Variants in LRRC4C observed in about 807,000 individuals in gnomAD.
The protein encoded by LRRC4C is leucine-rich repeat-containing protein 4C.
A neutral mutation model predicts 33.6 loss-of-function variants in LRRC4C; 5 were observed. The ratio of observed to expected loss-of-function variants is 0.15; its 90% CI spans 0.08 to 0.31. The LOEUF (loss-of-function observed/expected upper bound fraction) is 0.31, where lower values mean the gene tolerates loss of function less well. LRRC4C is among the 10% of genes least tolerant of loss of function. The pLI, the probability that LRRC4C is intolerant of heterozygous loss-of-function variation, is 1.00. For synonymous variants in LRRC4C, 329 were observed against 302.0 expected, an observed-to-expected ratio of 1.09 and a Z score of -0.93; for missense variants, 560 against 796.7, an observed-to-expected ratio of 0.70 and a Z score of 3.58.
intron 2 of LRRC4C, among the ~76,000 whole-genome samples, chr11:40,766,078 A>G (rs1949436023): frequency 1.1e-5 from 1 of 94,254 alleles, no homozygotes; most frequent in South Asian, 2.9e-4. Context: ...TCCTAAAAGC[A>G]GCAAGAAAAA....
At chr11:41,275,409 GC>G (rs201759258) in intron 1 of LRRC4C, among the ~76,000 whole-genome samples, 2,057 of 152,182 alleles carry the variant, frequency 0.014, 20 homozygotes, top group Middle Eastern at 0.024. Context: ...CAAACAAAAA[GC>G]AAAAAATAAA....
At chr11:40,839,288 G>T (rs1187832231) in intron 2 of LRRC4C, among the ~76,000 whole-genome samples, 2 of 152,044 alleles carry the variant, frequency 1.3e-5, no homozygotes, top group East Asian at 3.9e-4. Context: ...AGGCTGGAGT[G>T]CAGTGGCACA....
At chr11:41,180,497 A>G (rs755895466) in intron 1 of LRRC4C, among the ~76,000 whole-genome samples, 3 of 152,208 alleles carry the variant, frequency 2.0e-5, no homozygotes, top group Non-Finnish European at 4.4e-5. Context: ...TAACTAACTC[A>G]CATTTAAAAC....
chr11:40,793,836 C>G (rs556438524), intron 2 of LRRC4C, among the ~76,000 whole-genome samples: 1 of 152,168 alleles, frequency 6.6e-6, no homozygotes, highest in Non-Finnish European at 1.5e-5. Context: ...ATCACATTCT[C>G]TATCATGGAC....
intron 5 of LRRC4C, among the ~76,000 whole-genome samples, chr11:40,174,600 T>A (rs934807525): frequency 6.6e-6 from 1 of 152,202 alleles, no homozygotes; most frequent in Non-Finnish European, 1.5e-5. Context: ...ATTTCTGAAG[T>A]AGCCATAGAA....
chr11:40,987,082 T>A (rs1853072315), intron 1 of LRRC4C, among the ~76,000 whole-genome samples: 1 of 152,186 alleles, frequency 6.6e-6, no homozygotes, highest in Non-Finnish European at 1.5e-5. Context: ...TAGGGTACAT[T>A]ATTAAATTAA....
At chr11:40,719,812 C>T (rs1297411715) in intron 2 of LRRC4C, among the ~76,000 whole-genome samples, 1 of 152,034 alleles carries the variant, frequency 6.6e-6, no homozygotes, top group Non-Finnish European at 1.5e-5. Context: ...TATTCAGTGG[C>T]CTTTAAAATA....
intron 3 of LRRC4C, among the ~76,000 whole-genome samples, chr11:40,372,252 C>T (rs766616278): frequency 6.6e-6 from 1 of 152,170 alleles, no homozygotes; most frequent in Non-Finnish European, 1.5e-5. Context: ...GAAGGAAGAA[C>T]TCTCTGGACG....
intron 1 of LRRC4C, among the ~76,000 whole-genome samples, chr11:40,998,575 T>C (rs1225799218): frequency 2.6e-5 from 4 of 152,128 alleles, no homozygotes; most frequent in African/African-American, 9.7e-5. Flanking sequence ...TTATTCAAAG[T>C]CCTGATTAGG....
chr11:40,603,756 C>T (rs574662421), intron 3 of LRRC4C, among the ~76,000 whole-genome samples: 2 of 152,282 alleles, frequency 1.3e-5, no homozygotes, highest in South Asian at 4.1e-4. Flanking sequence ...TTTAGAGACA[C>T]ATTTCAGTTA....
intron 4 of LRRC4C, among the ~76,000 whole-genome samples, chr11:40,276,036 G>C (rs1943076630): frequency 6.6e-6 from 1 of 152,178 alleles, no homozygotes; most frequent in Non-Finnish European, 1.5e-5. Flanking sequence ...AATTGAGAGA[G>C]AGGAGGAGCT....
intron 2 of LRRC4C, among the ~76,000 whole-genome samples, chr11:40,736,675 G>A (rs746577453): frequency 9.2e-5 from 14 of 152,024 alleles, no homozygotes; most frequent in Admixed American, 2.6e-4. Context: ...TCCAGTATCT[G>A]TTGTTTCCTG....
chr11:40,882,260 T>TTAA (rs1374086430), intron 2 of LRRC4C, among the ~76,000 whole-genome samples: 7 of 152,206 alleles, frequency 4.6e-5, no homozygotes, highest in African/African-American at 1.7e-4. Flanking sequence ...GCTTAATCTT[T>TTAA]TAATAGTTCC....
At chr11:41,109,128 A>G (rs944223875) in intron 1 of LRRC4C, among the ~76,000 whole-genome samples, 13 of 151,998 alleles carry the variant, frequency 8.6e-5, no homozygotes, top group African/African-American at 2.4e-4. Context: ...TTTCTCTCCT[A>G]TCTTCATCCC....
intron 3 of LRRC4C, among the ~76,000 whole-genome samples, chr11:40,359,953 G>T (rs1193965454): frequency 6.6e-6 from 1 of 152,152 alleles, no homozygotes; most frequent in Non-Finnish European, 1.5e-5. Flanking sequence ...AATAGGGCAA[G>T]TTTTTGAGAG....
intron 2 of LRRC4C, among the ~76,000 whole-genome samples, chr11:40,786,683 T>G (rs1443237237): frequency 6.6e-6 from 1 of 152,154 alleles, no homozygotes; most frequent in Non-Finnish European, 1.5e-5. Flanking sequence ...CATTGGTGTA[T>G]GTAACAAGGG....
At chr11:40,435,233 C>T (rs1382535755) in intron 3 of LRRC4C, among the ~76,000 whole-genome samples, 1 of 152,238 alleles carries the variant, frequency 6.6e-6, no homozygotes, top group Non-Finnish European at 1.5e-5. Context: ...GCTCCTCACA[C>T]TGTGGCTGCC....
chr11:40,808,830 G>C (rs532712543), intron 2 of LRRC4C, among the ~76,000 whole-genome samples: 3 of 152,106 alleles, frequency 2.0e-5, no homozygotes, highest in Non-Finnish European at 4.4e-5. Context: ...ATGAAAAATA[G>C]TGTTTCTGAG....
chr11:41,197,539 T>G (rs1946232752), intron 1 of LRRC4C, among the ~76,000 whole-genome samples: 1 of 152,024 alleles, frequency 6.6e-6, no homozygotes, highest in South Asian at 2.1e-4. Context: ...ACAGCACCTC[T>G]TTTAAAGGGA....
Sources: allele counts gnomAD v4.1 joint callset (sites outside exome capture counted in the v4.1 genomes callset), GRCh38; gene constraint gnomAD v4.1.1; transcripts MANE v1.5; gene names NCBI Gene and HGNC (gene_info 2026-07-23, HGNC 2026-07-21).